The following SLC35F3 variants were observed in gnomAD, a reference collection of about 807,000 sequenced individuals.
The protein encoded by SLC35F3 is putative thiamine transporter SLC35F3.
SLC35F3 carries 25 observed loss-of-function variants against 49.9 expected under a neutral mutation model. That is an observed-to-expected ratio of 0.50 (90% CI 0.37 to 0.70). The LOEUF is 0.70. SLC35F3 is among the 30% of genes least tolerant of loss of function. The pLI, the probability that SLC35F3 is intolerant of heterozygous loss-of-function variation, is 0.00. For synonymous variants in SLC35F3, 275 were observed against 265.4 expected (o/e 1.04, Z -0.35); for missense variants, 525 against 639.8 (o/e 0.82, Z 1.94).
intron 2 of SLC35F3, among the ~76,000 whole-genome samples, chr1:233,994,745 A>G (rs954755436): frequency 3.9e-5 from 6 of 152,146 alleles, no homozygotes; most frequent in African/African-American, 1.4e-4. Flanking sequence ...TGGCTCTCAC[A>G]TGACTTTGGA....
chr1:234,155,211 T>C (rs12035728), intron 2 of SLC35F3, among the ~76,000 whole-genome samples: 31,339 of 152,062 alleles, frequency 0.21, 5,259 homozygotes, highest in East Asian at 0.86. Flanking sequence ...GCTGATTACA[T>C]AGGGGGAGAA....
At chr1:234,183,877 TAAC>T (rs1227982840) in intron 2 of SLC35F3, among the ~76,000 whole-genome samples, 2 of 142,898 alleles carry the variant, frequency 1.4e-5, no homozygotes, top group African/African-American at 4.9e-5. Context: ...ATTTTTTGTT[TAAC>T]AACATTCCTT....
intron 2 of SLC35F3, among the ~76,000 whole-genome samples, chr1:234,061,407 T>G (rs1305878180): frequency 1.3e-5 from 2 of 152,322 alleles, no homozygotes; most frequent in South Asian, 2.1e-4. Flanking sequence ...CTTAAGATTT[T>G]AGAATTTTAC....
chr1:234,265,820 C>G (rs2102970655), intron 3 of SLC35F3, among the ~76,000 whole-genome samples: 1 of 152,232 alleles, frequency 6.6e-6, no homozygotes, highest in Admixed American at 6.5e-5. Flanking sequence ...AGGCCCTGAT[C>G]CTTCTCCTCC....
chr1:234,025,468 C>T (rs1663963110), intron 2 of SLC35F3, among the ~76,000 whole-genome samples: 1 of 152,214 alleles, frequency 6.6e-6, no homozygotes, highest in African/African-American at 2.4e-5. Context: ...TCTTGGCAAG[C>T]TCACCAATGT....
intron 2 of SLC35F3, among the ~76,000 whole-genome samples, chr1:234,067,490 G>A (rs943622533): frequency 2.0e-5 from 3 of 152,180 alleles, no homozygotes; most frequent in Non-Finnish European, 4.4e-5. Context: ...TCCGTGAGTG[G>A]TCTTCTTGAC....
intron 2 of SLC35F3, among the ~76,000 whole-genome samples, chr1:234,084,676 A>G (rs968032097): frequency 2.6e-5 from 4 of 152,134 alleles, no homozygotes; most frequent in African/African-American, 9.7e-5. Flanking sequence ...AGCCCTCGCA[A>G]CTCCAGGTGT....
chr1:234,266,333 C>T (rs1572123990), intron 3 of SLC35F3, among the ~76,000 whole-genome samples: 1 of 152,288 alleles, frequency 6.6e-6, no homozygotes, highest in East Asian at 1.9e-4. Context: ...AAAAAATGCT[C>T]CACTTATTTA....
intron 2 of SLC35F3, among the ~76,000 whole-genome samples, chr1:233,967,357 A>G (rs929427703): frequency 2.6e-5 from 4 of 152,202 alleles, no homozygotes; most frequent in East Asian, 1.9e-4. Flanking sequence ...AGGCATCTAT[A>G]TGTAGTTTTA....
intron 2 of SLC35F3, among the ~76,000 whole-genome samples, chr1:233,933,947 A>G (rs1662285658): frequency 1.3e-5 from 2 of 152,198 alleles, no homozygotes; most frequent in African/African-American, 4.8e-5. Flanking sequence ...TTTCCAAAGC[A>G]CGTAGAGATC....
At chr1:234,301,702 G>A (rs1481377267) in intron 3 of SLC35F3, among the ~76,000 whole-genome samples, 1 of 152,134 alleles carries the variant, frequency 6.6e-6, no homozygotes, top group African/African-American at 2.4e-5. Context: ...TATACACAAA[G>A]GAATCTAAAT....
chr1:233,938,166 G>A (rs1231071028), intron 2 of SLC35F3, among the ~76,000 whole-genome samples: 1 of 149,718 alleles, frequency 6.7e-6, no homozygotes, highest in Non-Finnish European at 1.5e-5. Context: ...GAAACAATAG[G>A]AGAATAGATG....
At position 234,046,387 on chromosome 1, in the gene SLC35F3, C is replaced by A. The variant is rs968731479; in HGVS notation, c.283+140629C>A. 8.5e-5 allele frequency among the ~76,000 whole-genome samples: 13 copies of A among 152,168 alleles called. No homozygotes were observed. Among genetic ancestry groups the A allele is most frequent in the African/African-American group, 2.9e-4 (12 of 41,514 alleles). On this transcript the variant is annotated intron_variant, in intron 2 of 7. Coordinates refer to ENST00000366618, the MANE Select transcript of SLC35F3 (RefSeq NM_173508.4). The surrounding 1 kb of genome is among the most constrained non-coding windows in gnomAD (Gnocchi z 4.4). ...TTTTCTGCTTTCTAGTGAGGGTGAC[C>A]ATATTTTCATATTCAAGTGTCCTCT...
chr1:233,917,354 CT>C (rs1441546180), intron 2 of SLC35F3, among the ~76,000 whole-genome samples: 5 of 152,218 alleles, frequency 3.3e-5, no homozygotes, highest in African/African-American at 1.2e-4. Context: ...CAGGAAACTT[CT>C]TTTTCTCTTC....
intron 3 of SLC35F3, among the ~76,000 whole-genome samples, chr1:234,279,889 G>A (rs908431765): frequency 3.9e-5 from 6 of 152,336 alleles, no homozygotes; most frequent in East Asian, 1.9e-4. Context: ...AATTAGGGAT[G>A]TGTTTTTCTT....
intron 3 of SLC35F3, among the ~76,000 whole-genome samples, chr1:234,251,199 A>G (rs558979688): frequency 6.6e-6 from 1 of 152,252 alleles, no homozygotes; most frequent in East Asian, 1.9e-4. Flanking sequence ...GGATGATTTC[A>G]TTGCTCAAGA....
rs374699273 is a variant in SLC35F3, at chr1:234,258,544, C to A, written c.608+26803C>A. ...CCCTCCCATAATTCTAATCTTGTGA[C>A]CTTTCATTAGTTTTACAAAGGCAGT... On this transcript the variant is annotated intron_variant, in intron 3 of 7. Coordinates refer to ENST00000366618, the MANE Select transcript of SLC35F3 (RefSeq NM_173508.4). Among the ~76,000 whole-genome samples the A allele has an allele frequency of 1.6e-4, 24 of 152,302 alleles. No individual in the cohort carries two copies. In the East Asian group the frequency reaches 2.7e-3, roughly 17 times the overall value.
At chr1:234,239,396 AC>A (rs1667520026) in intron 3 of SLC35F3, among the ~76,000 whole-genome samples, 3 of 152,204 alleles carry the variant, frequency 2.0e-5, no homozygotes, top group Admixed American at 1.3e-4. Flanking sequence ...GCCATTTCTT[AC>A]TTTCCATGTG....
At chr1:234,321,035 T>G (rs1417559420) in intron 7 of SLC35F3, among the ~76,000 whole-genome samples, 1 of 78,454 alleles carries the variant, frequency 1.3e-5, no homozygotes, top group Non-Finnish European at 2.2e-5. Flanking sequence ...CATTAAAAGA[T>G]TGCCCCCCCC....
Sources: allele counts gnomAD v4.1 joint callset (sites outside exome capture counted in the v4.1 genomes callset), GRCh38; gene constraint gnomAD v4.1.1; non-coding constraint Gnocchi (gnomAD v3.1); transcripts MANE v1.5; gene names NCBI Gene and HGNC (gene_info 2026-07-23, HGNC 2026-07-21).